TENM3: variants seen among roughly 807,000 people sequenced by gnomAD.
TENM3 encodes the protein teneurin-3.
A neutral mutation model predicts 255.1 loss-of-function variants in TENM3; 63 were observed. That is an observed-to-expected ratio of 0.25 (90% CI 0.20 to 0.30). The LOEUF (loss-of-function observed/expected upper bound fraction) is 0.30. TENM3 is among the 10% of genes least tolerant of loss of function. TENM3 has a pLI of 1.00. For synonymous variants in TENM3, 1,306 were observed against 1,322.3 expected (o/e 0.99, Z 0.27); for missense variants, 2,929 against 3,461.1 (o/e 0.85, Z 3.86).
chr4:181,456,581 A>G, the TENM3 span, among the ~76,000 whole-genome samples: 3 of 151,966 alleles, frequency 2.0e-5, no homozygotes, highest in Admixed American at 6.6e-5. Flanking sequence ...ACTTGTGAGC[A>G]AGATGAGTAA....
At chr4:182,759,080 T>A (rs28685719) in intron 22 of TENM3, among the ~76,000 whole-genome samples, 24,391 of 152,244 alleles carry the variant, frequency 0.16, 2,350 homozygotes, top group Non-Finnish European at 0.21. Flanking sequence ...TCCAAAGAAA[T>A]TTTAAAAGAG....
chr4:182,237,104 T>C (rs939711656), intron 1 of TENM3, among the ~76,000 whole-genome samples: 1 of 152,150 alleles, frequency 6.6e-6, no homozygotes, highest in Non-Finnish European at 1.5e-5. Flanking sequence ...AGGCAGTGTT[T>C]GGTTTTTTGT....
At chr4:182,041,985 C>A in the TENM3 span, among the ~76,000 whole-genome samples, 5 of 152,180 alleles carry the variant, frequency 3.3e-5, no homozygotes, top group Admixed American at 1.3e-4. Context: ...TGAGGACATT[C>A]GAAAGTAAAG....
chr4:181,717,857 G>A, the TENM3 span, among the ~76,000 whole-genome samples: 2 of 152,196 alleles, frequency 1.3e-5, no homozygotes, highest in Non-Finnish European at 2.9e-5. Flanking sequence ...TAGAGATAAT[G>A]TATTTGAGTA....
At chr4:181,909,408 A>G in the TENM3 span, among the ~76,000 whole-genome samples, 3 of 152,154 alleles carry the variant, frequency 2.0e-5, no homozygotes, top group Admixed American at 6.5e-5. Context: ...AAAGCCCCAT[A>G]CTGAAATGGC....
the TENM3 span, among the ~76,000 whole-genome samples, chr4:181,451,991 C>T: frequency 6.6e-6 from 1 of 151,792 alleles, no homozygotes; most frequent in African/African-American, 2.4e-5. Flanking sequence ...GAAGAAACAG[C>T]CAGAGAAGTG....
chr4:182,788,966 C>A, intron 24 of TENM3, 127 bp from the exon 25 acceptor site: 1 of 811,906 alleles, frequency 1.2e-6, no homozygotes, highest in Non-Finnish European at 1.9e-6. Context: ...CACTTGTACC[C>A]AAGAAGTTGC....
At chr4:181,707,871 A>G in the TENM3 span, among the ~76,000 whole-genome samples, 2 of 152,240 alleles carry the variant, frequency 1.3e-5, no homozygotes. Flanking sequence ...AATAGAATCT[A>G]GTAATTGATT....
intron 3 of TENM3, among the ~76,000 whole-genome samples, chr4:182,408,625 C>T (rs1250906744): frequency 1.3e-5 from 2 of 152,098 alleles, no homozygotes; most frequent in African/African-American, 2.4e-5. Context: ...AACACTTTGG[C>T]TCTTGTTAAA....
chr4:181,553,923 G>C, the TENM3 span, among the ~76,000 whole-genome samples: 1 of 152,034 alleles, frequency 6.6e-6, no homozygotes, highest in Non-Finnish European at 1.5e-5. Context: ...CCCGCTCTCT[G>C]AGTTGACTAC....
rs1188333332 is a variant in TENM3 at position 182,799,813 on chromosome 4, G to A, written c.7562G>A (p.Cys2521Tyr). The change falls in exon 28 of 28, where the codon TGC (cysteine) becomes TAC (tyrosine). Residue 2521 changes from cysteine (C) to tyrosine (Y), a missense_variant. By Grantham distance (194) the Cys-to-Tyr change is radical. Coordinates refer to ENST00000511685, the MANE Select transcript of TENM3 (RefSeq NM_001080477.4). This position sits in a 1 kb window ranked among gnomAD's most constrained non-coding sequence, Gnocchi z 4.2. ...GTGCTCAACATCGCCAACGAGGACT[G>A]CATCAAGGTGGCGGCCGTGCTCAAC... ...TNVLNIANED[C>Y]IKVAAVLNNA... 1 of 1,608,886 alleles carries A rather than the reference G, an allele frequency of 6.2e-7. No individual in the cohort carries two copies. Among genetic ancestry groups the A allele is most frequent in the African/African-American group, 1.3e-5 (1 of 74,984 alleles).
rs1386874427 is a variant in TENM3, at chr4:182,792,273, G to C, written c.5602-1G>C. On this transcript the variant is annotated splice_acceptor_variant, in intron 25 of 27. Coordinates refer to ENST00000511685, the MANE Select transcript of TENM3 (RefSeq NM_001080477.4). LOFTEE classifies it high-confidence loss of function. This position sits in a 1 kb window ranked among gnomAD's most constrained non-coding sequence, Gnocchi z 6.3. ...AGTAACAGTATGTTCTCTCTTTACA[G>C]TCCATGGTTCTTCTGCTTCATAGCC... The C allele has an allele frequency of 6.2e-7, 1 of 1,612,398 alleles. No homozygotes were observed. The highest frequency in any genetic ancestry group is 1.7e-5 in the Admixed American group (1 of 59,970).
chr4:182,411,879 A>C (rs1004879328), intron 3 of TENM3, among the ~76,000 whole-genome samples: 1 of 152,168 alleles, frequency 6.6e-6, no homozygotes, highest in African/African-American at 2.4e-5. Flanking sequence ...AAAAGGGACA[A>C]ATTTTAAAAC....
At chr4:181,965,635 TTC>T in the TENM3 span, among the ~76,000 whole-genome samples, 1 of 152,214 alleles carries the variant, frequency 6.6e-6, no homozygotes, top group African/African-American at 2.4e-5. Context: ...ATCTGGAAAT[TTC>T]TCTGACTGTC....
At chr4:182,197,190 A>T (rs1031740543) in intron 1 of TENM3, among the ~76,000 whole-genome samples, 2 of 152,228 alleles carry the variant, frequency 1.3e-5, no homozygotes, top group Non-Finnish European at 2.9e-5. Context: ...TTAACCAGTT[A>T]CACTGCAGCG....
At chr4:182,327,883 A>C (rs1763511654) in intron 2 of TENM3, among the ~76,000 whole-genome samples, 1 of 152,246 alleles carries the variant, frequency 6.6e-6, no homozygotes, top group South Asian at 2.1e-4. Context: ...CTTTTGGAGA[A>C]GTGGTAAAAT....
chr4:181,876,024 T>C, the TENM3 span, among the ~76,000 whole-genome samples: 1 of 152,236 alleles, frequency 6.6e-6, no homozygotes, highest in Admixed American at 6.5e-5. Context: ...AAAGGTACAA[T>C]GTCCTCTGGA....
At chr4:182,770,873 T>C (rs1764148262) in intron 22 of TENM3, among the ~76,000 whole-genome samples, 1 of 152,232 alleles carries the variant, frequency 6.6e-6, no homozygotes, top group African/African-American at 2.4e-5. Context: ...CAGCCTTCCT[T>C]GTGCAAACAC....
At chr4:181,868,899 T>A in the TENM3 span, among the ~76,000 whole-genome samples, 4 of 152,168 alleles carry the variant, frequency 2.6e-5, no homozygotes, top group Non-Finnish European at 5.9e-5. Flanking sequence ...AACAGCCTCT[T>A]GATTCCTGCT....
Sources: gnomAD v4.1 joint callset for allele counts (sites outside exome capture counted in the v4.1 genomes callset) on GRCh38, gnomAD v4.1.1 for gene constraint, Gnocchi (gnomAD v3.1) non-coding constraint, MANE v1.5 for transcripts, NCBI Gene and HGNC (gene_info 2026-07-23, HGNC 2026-07-21) for gene names.